DSG4: variants seen among roughly 807,000 people sequenced by gnomAD.
DSG4 encodes the protein desmoglein 4, also known as desmoglein-4.
Under a neutral mutation model 93.1 loss-of-function variants are expected in DSG4, and 87 were observed. That is an observed-to-expected ratio of 0.93 (90% confidence interval 0.79 to 1.12). DSG4 has a LOEUF of 1.12. Among genes scored for constraint, DSG4 ranks in the 50% most tolerant of loss-of-function variants. The pLI is 0.00. For missense variants in DSG4, 1,373 were observed against 1,285.7 expected (o/e 1.07, Z -1.04); for synonymous variants, 432 against 452.9 (o/e 0.95, Z 0.59).
chr18:31,404,160 G>A (rs1022409940), intron 11 of DSG4, among the ~76,000 whole-genome samples: 1 of 152,082 alleles, frequency 6.6e-6, no homozygotes, highest in African/African-American at 2.4e-5. Context: ...AAATTGCTCA[G>A]TATTAGAGGA....
Position 31,411,227 on chromosome 18 carries a change from T to C in DSG4, c.2138-4T>C. 6.2e-7 allele frequency: 1 copy of C among 1,612,728 alleles called. No individual in the cohort carries two copies. Among genetic ancestry groups the C allele is most frequent in the Non-Finnish European group, 8.5e-7 (1 of 1,179,540 alleles). ...GCTGTTAAACCAACATCCTCCCTTT[T>C]CAGAAATCTACACCAACACCTATGC... is the stretch of plus-strand genomic sequence containing the variant. On this transcript the variant is annotated splice_region_variant and splice_polypyrimidine_tract_variant and intron_variant, in intron 14 of 15. Coordinates refer to ENST00000308128, the MANE Select transcript of DSG4 (RefSeq NM_177986.5).
intron 2 of DSG4, among the ~76,000 whole-genome samples, chr18:31,386,084 T>C (rs371270064): frequency 1.3e-5 from 2 of 152,092 alleles, no homozygotes; most frequent in African/African-American, 4.8e-5. Flanking sequence ...AATGACAGCA[T>C]TGCAAAGCCT....
At chr18:31,399,192 G>C in intron 8 of DSG4, 80 bp from the exon 9 acceptor site, 1 of 1,582,004 alleles carries the variant, frequency 6.3e-7, no homozygotes, top group Non-Finnish European at 8.6e-7. Context: ...CTAGTGTGTG[G>C]TTTGCTTTAC....
rs369018054 is a variant in DSG4, at chr18:31,399,283, T to C, written c.1017T>C (p.Tyr339=). 3.8e-5 allele frequency: 62 copies of C among 1,613,900 alleles called. No individual in the cohort carries two copies. The highest frequency in any genetic ancestry group is 4.9e-5 in the Non-Finnish European group (58 of 1,179,922). Residue 339 remains tyrosine (Y), a synonymous_variant, in exon 9 of 16, where the codon TAT becomes TAC. Coordinates refer to ENST00000308128, the MANE Select transcript of DSG4 (RefSeq NM_177986.5). ...TTCTTTCATTTCAGATGCTGGATTA[T>C]GAACAAGCACCTAACATTCAGCTTA... is the stretch of plus-strand genomic sequence containing the variant. The part of the protein sequence containing the change: ...GILKVVKMLD[Y]EQAPNIQLSI...
rs950929920 is a variant in DSG4 at position 31,414,824 on chromosome 18, T to C, written c.*1229T>C. ...GGTAATTTTACTTAATTCTGTAAAA[T>C]ATGTATACAGTAGCAGCAATAATGT... On this transcript the variant is annotated 3_prime_UTR_variant, in exon 16 of 16. Transcript: ENST00000308128. 1 of 152,058 alleles carries C rather than the reference T, an allele frequency of 6.6e-6. No homozygotes were observed. Among genetic ancestry groups the C allele is most frequent in the African/African-American group, 2.4e-5 (1 of 41,440 alleles). The allele number at this position is 152,058 out of a possible 1,614,324, so 9.4% of individuals were successfully genotyped here. A position where few individuals can be genotyped will look rare whatever the true frequency, so the allele number is the denominator to read the frequency against.
rs770372611 is a variant in DSG4, at chr18:31,390,735, C to G, written c.597C>G (p.Val199=). Reference sequence around the variant, plus strand: ...ATTCTAAAATTGCCTACAAGATCGTCTCTCAGGAGCCATCAGGTGCACCCA... The same window carrying G: ...ATTCTAAAATTGCCTACAAGATCGTGTCTCAGGAGCCATCAGGTGCACCCA... The part of the protein sequence containing the change: ...HLNSKIAYKI[V]SQEPSGAPMF... Residue 199 remains valine, a synonymous_variant, in exon 6 of 16, where the codon GTC becomes GTG. Coordinates refer to ENST00000308128, the MANE Select transcript of DSG4 (RefSeq NM_177986.5). 1 of 1,613,834 alleles carries G rather than the reference C, an allele frequency of 6.2e-7. No homozygotes were observed. Among genetic ancestry groups the G allele is most frequent in the South Asian group, 1.1e-5 (1 of 91,074 alleles).
intron 5 of DSG4, 95 bp from the exon 6 acceptor site, chr18:31,390,561 G>A (rs1202041194): frequency 2.8e-6 from 4 of 1,451,342 alleles, no homozygotes; most frequent in Non-Finnish European, 3.8e-6. Context: ...AGAGAATTCA[G>A]GAGAAGGCCA....
At chr18:31,408,220 T>G (rs553523134) in intron 12 of DSG4, among the ~76,000 whole-genome samples, 43 of 152,300 alleles carry the variant, frequency 2.8e-4, no homozygotes, top group African/African-American at 1.0e-3. Context: ...TGATGTTAGC[T>G]CCAAATGAGA....
At position 31,386,803 on chromosome 18, in the gene DSG4, G is replaced by A. The variant is rs2072193175; in HGVS notation, c.200G>A (p.Arg67Lys). Residue 67 changes from arginine (R) to lysine (K), a missense_variant, in exon 3 of 16, where the codon AGG (arginine) becomes AAG (lysine). Transcript: ENST00000308128. ...CGAGAAGGAGAGGACAACTCGAAGA[G>A]GAACCCCATTGCCAAAGTAAGTGAT... is the stretch of plus-strand genomic sequence containing the variant. ...ACREGEDNSKRNPIAKIRSDC... is the reference protein window; with the variant it reads ...ACREGEDNSKKNPIAKIRSDC... 4 of 1,613,252 alleles carry A rather than the reference G, an allele frequency of 2.5e-6. No individual in the cohort carries two copies. The highest frequency in any genetic ancestry group is 3.4e-6 in the Non-Finnish European group (4 of 1,179,342).
intron 9 of DSG4, 96 bp downstream of exon 9, chr18:31,399,639 C>T (rs1256811290): frequency 6.7e-7 from 1 of 1,493,140 alleles, no homozygotes; most frequent in East Asian, 2.3e-5. Flanking sequence ...TTTTGGAGGG[C>T]TTTTTTGCTT....
intron 3 of DSG4, among the ~76,000 whole-genome samples, chr18:31,387,032 G>C (rs572074843): frequency 5.3e-5 from 8 of 152,262 alleles, no homozygotes; most frequent in Admixed American, 3.9e-4. Flanking sequence ...AGAAGAAAGG[G>C]CTGGATCTCC....
chr18:31,402,058 G>T (rs912434492), intron 10 of DSG4, among the ~76,000 whole-genome samples: 2 of 152,128 alleles, frequency 1.3e-5, no homozygotes, highest in Non-Finnish European at 2.9e-5. Flanking sequence ...CCCTATGTTT[G>T]CATATTGGTC....
intron 12 of DSG4, among the ~76,000 whole-genome samples, chr18:31,406,958 A>C (rs1031471175): frequency 1.3e-5 from 2 of 151,920 alleles, no homozygotes; most frequent in African/African-American, 4.8e-5. Flanking sequence ...TTGTACTTTT[A>C]GTAGAGACGG....
intron 11 of DSG4, 63 bp from the exon 12 acceptor site, chr18:31,406,014 A>G (rs2072420459): frequency 6.3e-7 from 1 of 1,596,326 alleles, no homozygotes. Flanking sequence ...AGGGAGAGTT[A>G]ACCACCCCCC....
intron 8 of DSG4, among the ~76,000 whole-genome samples, chr18:31,394,227 A>C (rs537340964): frequency 2.0e-5 from 3 of 152,326 alleles, no homozygotes; most frequent in Admixed American, 1.3e-4. Flanking sequence ...CCCTTAACCA[A>C]AAGTTTTTCA....
chr18:31,379,132 A>AG (rs1215051279), intron 1 of DSG4, among the ~76,000 whole-genome samples: 1 of 152,224 alleles, frequency 6.6e-6, no homozygotes, highest in Non-Finnish European at 1.5e-5. Flanking sequence ...AAGGATGCTT[A>AG]TCATGTTCTT....
chr18:31,388,431 G>A lies in DSG4; in HGVS notation c.281G>A (p.Arg94Gln), dbSNP rs551522777. 13 of 1,613,490 alleles carry A rather than the reference G, an allele frequency of 8.1e-6. No individual in the cohort carries two copies. Among genetic ancestry groups the A allele is most frequent in the South Asian group, 1.1e-5 (1 of 91,056 alleles). The change falls in exon 4 of 16, where the codon CGA becomes CAA. Residue 94 changes from arginine (R) to glutamine (Q), a missense_variant. By Grantham distance (43) the Arg-to-Gln change is conservative (BLOSUM62 1). Transcript: ENST00000308128. ...CGGATTTCTGGAGTAGGGATTGATC[G>A]ACCACCATATGGGGTATTCACCATT... is the stretch of plus-strand genomic sequence containing the variant. ...TYRISGVGID[R>Q]PPYGVFTINP... is the part of the protein sequence containing the mutation.
chr18:31,385,990 T>C (rs1410686560), intron 2 of DSG4, among the ~76,000 whole-genome samples: 3 of 152,120 alleles, frequency 2.0e-5, no homozygotes, highest in Non-Finnish European at 4.4e-5. Context: ...TCTAATCTCA[T>C]TAATAGTATG....
Position 31,399,405 on chromosome 18 carries a change from G to A in DSG4, c.1139G>A (p.Arg380Lys), listed in dbSNP as rs2072340114. 2 of 1,614,112 alleles carry A rather than the reference G, an allele frequency of 1.2e-6. No homozygotes were observed. Among genetic ancestry groups the A allele is most frequent in the East Asian group, 4.5e-5 (2 of 44,874 alleles). The change falls in exon 9 of 16, where the codon AGA (arginine) becomes AAA (lysine). Residue 380 changes from arginine to lysine, a missense_variant. Coordinates refer to ENST00000308128, the MANE Select transcript of DSG4 (RefSeq NM_177986.5). ...TPVRIQVVDV[R>K]EGPAFHPSTM... ...GTGAGAATTCAAGTTGTTGATGTGA[G>A]AGAAGGACCTGCATTTCATCCAAGT...
Sources: allele counts gnomAD v4.1 joint callset (sites outside exome capture counted in the v4.1 genomes callset), GRCh38; gene constraint gnomAD v4.1.1; transcripts MANE v1.5; gene names NCBI Gene and HGNC (gene_info 2026-07-23, HGNC 2026-07-21).